The following STAU2 variants were observed in gnomAD, a reference collection of about 807,000 sequenced individuals.
STAU2 encodes the protein staufen double-stranded RNA binding protein 2.
Under a neutral mutation model 65.9 loss-of-function variants are expected in STAU2, and 20 were observed. That is an observed-to-expected ratio of 0.30 (90% CI 0.21 to 0.44). STAU2 has a LOEUF of 0.44. Among genes scored for constraint, STAU2 ranks in the 20% least tolerant of loss-of-function variants. The pLI is 1.00. For missense variants in STAU2, 558 were observed against 683.9 expected, an observed-to-expected ratio of 0.82 and a Z score of 2.05; for synonymous variants, 232 against 233.9, an observed-to-expected ratio of 0.99 and a Z score of 0.07.
intron 13 of STAU2, among the ~76,000 whole-genome samples, chr8:73,513,867 T>C (rs1822554520): frequency 6.6e-6 from 1 of 152,158 alleles, no homozygotes; most frequent in African/African-American, 2.4e-5. Context: ...TTCTTTACCC[T>C]TGTAGAACTA....
At chr8:73,430,588 T>C (rs1454408348) in intron 13 of STAU2, among the ~76,000 whole-genome samples, 6 of 152,262 alleles carry the variant, frequency 3.9e-5, no homozygotes, top group African/African-American at 1.4e-4. Context: ...GACCCAAGTA[T>C]ATACTGAAGC....
At chr8:73,596,435 T>C (rs1177954107) in intron 10 of STAU2, among the ~76,000 whole-genome samples, 2 of 152,132 alleles carry the variant, frequency 1.3e-5, no homozygotes, top group African/African-American at 4.8e-5. Flanking sequence ...AAAAGTAAAG[T>C]AGATAGCAAA....
intron 13 of STAU2, among the ~76,000 whole-genome samples, chr8:73,447,096 C>G (rs116874807): frequency 6.6e-6 from 1 of 152,156 alleles, no homozygotes; most frequent in African/African-American, 2.4e-5. Context: ...GAGGCATGTG[C>G]TGCCACGTCC....
At chr8:73,640,954 AAAG>A (rs1406526962) in intron 6 of STAU2, among the ~76,000 whole-genome samples, 1 of 152,198 alleles carries the variant, frequency 6.6e-6, no homozygotes, top group Non-Finnish European at 1.5e-5. Context: ...AAGCCACAAA[AAAG>A]AAGCAATAAA....
chr8:73,689,962 C>CA (rs1819209173), intron 4 of STAU2, among the ~76,000 whole-genome samples: 1 of 145,050 alleles, frequency 6.9e-6, no homozygotes, highest in African/African-American at 2.6e-5. Flanking sequence ...TTCTATAAAA[C>CA]AAATGGCCTA....
At chr8:73,593,888 C>T (rs934107578) in intron 11 of STAU2, among the ~76,000 whole-genome samples, 2 of 151,646 alleles carry the variant, frequency 1.3e-5, no homozygotes, top group African/African-American at 4.8e-5. Context: ...CATACACACA[C>T]ACACACACAC....
At chr8:73,555,000 A>G (rs1344781814) in intron 12 of STAU2, among the ~76,000 whole-genome samples, 2 of 152,182 alleles carry the variant, frequency 1.3e-5, no homozygotes, top group Non-Finnish European at 2.9e-5. Context: ...TCCAACTGCT[A>G]TTGTGCTAGT....
chr8:73,561,310 G>T, intron 12 of STAU2: 2 of 324,064 alleles, frequency 6.2e-6, no homozygotes, highest in South Asian at 5.3e-5. Context: ...TTATTTAGAA[G>T]AAATTTTTTT....
chr8:73,540,978 C>T (rs2128937601), intron 13 of STAU2, among the ~76,000 whole-genome samples: 1 of 152,304 alleles, frequency 6.6e-6, no homozygotes, highest in Non-Finnish European at 1.5e-5. Context: ...TGGCACAACT[C>T]TAAATCTGAA....
chr8:73,682,639 T>C (rs796603348), intron 5 of STAU2, among the ~76,000 whole-genome samples: 1 of 151,746 alleles, frequency 6.6e-6, no homozygotes, highest in Admixed American at 6.6e-5. Flanking sequence ...TAAATGAAAT[T>C]GAAACAAAAG....
chr8:73,641,082 T>G (rs1046403429), intron 6 of STAU2, among the ~76,000 whole-genome samples: 1 of 152,232 alleles, frequency 6.6e-6, no homozygotes, highest in African/African-American at 2.4e-5. Flanking sequence ...TTAGTTATAT[T>G]ATGCCAAATT....
chr8:73,464,899 G>A (rs923674839), intron 13 of STAU2, among the ~76,000 whole-genome samples: 1 of 152,178 alleles, frequency 6.6e-6, no homozygotes, highest in Non-Finnish European at 1.5e-5. Context: ...CAGAGGCATG[G>A]ATTTGTTTTG....
intron 3 of STAU2, among the ~76,000 whole-genome samples, chr8:73,721,108 C>T (rs1485074389): frequency 3.9e-4 from 41 of 106,492 alleles, no homozygotes; most frequent in African/African-American, 1.5e-3. Context: ...AGTAAGATCC[C>T]AACACTACAA....
intron 4 of STAU2, among the ~76,000 whole-genome samples, chr8:73,705,640 C>G (rs1357273098): frequency 6.6e-6 from 1 of 152,024 alleles, no homozygotes; most frequent in Non-Finnish European, 1.5e-5. Flanking sequence ...TACAATAACT[C>G]CCATTATTAT....
At chr8:73,607,719 A>G (rs1812133979) in intron 9 of STAU2, among the ~76,000 whole-genome samples, 1 of 151,180 alleles carries the variant, frequency 6.6e-6, no homozygotes, top group Non-Finnish European at 1.5e-5. Flanking sequence ...CCTGGGCAAC[A>G]AGAGCGAAAC....
chr8:73,730,728 CAA>C (rs60034849), intron 3 of STAU2, among the ~76,000 whole-genome samples: 32 of 82,690 alleles, frequency 3.9e-4, no homozygotes, highest in East Asian at 1.3e-3. Flanking sequence ...CTACGTCTTT[CAA>C]AAAAAAAAAA....
At chr8:73,649,693 A>G (rs1815683360) in intron 6 of STAU2, among the ~76,000 whole-genome samples, 1 of 151,712 alleles carries the variant, frequency 6.6e-6, no homozygotes, top group Admixed American at 6.6e-5. Flanking sequence ...AAAATGTACT[A>G]TGATGGACAG....
At chr8:73,711,378 G>A (rs1586326060) in intron 3 of STAU2, among the ~76,000 whole-genome samples, 1 of 151,974 alleles carries the variant, frequency 6.6e-6, no homozygotes, top group Non-Finnish European at 1.5e-5. Context: ...GCAACAGACA[G>A]CACAGCCAAT....
chr8:73,566,373 A>G (rs185090423), intron 12 of STAU2, among the ~76,000 whole-genome samples: 9 of 152,322 alleles, frequency 5.9e-5, no homozygotes, highest in African/African-American at 2.2e-4. Context: ...ATAGTTTCTC[A>G]GCCATTTAGT....
Sources: gnomAD v4.1 joint callset for allele counts (sites outside exome capture counted in the v4.1 genomes callset) on GRCh38, gnomAD v4.1.1 for gene constraint, MANE v1.5 for transcripts, NCBI Gene and HGNC (gene_info 2026-07-23, HGNC 2026-07-21) for gene names.